Variants in HERC3 observed in about 807,000 individuals in gnomAD.
HERC3 encodes probable E3 ubiquitin-protein ligase HERC3.
In HERC3, 58 loss-of-function variants were observed where a neutral mutation model predicts 129.9. The ratio of observed to expected loss-of-function variants is 0.45; its 90% CI spans 0.36 to 0.56. HERC3 has a LOEUF of 0.56. Ranked by LOEUF, HERC3 falls within the 20% of genes least tolerant of loss-of-function variation. The pLI is 0.00. For synonymous variants in HERC3, 430 were observed against 451.0 expected (o/e 0.95, Z 0.59); for missense variants, 835 against 1,244.2 (o/e 0.67, Z 4.95).
chr4:88,548,824 C>A, the HERC3 span, among the ~76,000 whole-genome samples: 1 of 151,948 alleles, frequency 6.6e-6, no homozygotes, highest in Non-Finnish European at 1.5e-5. Context: ...CCACGCCTGG[C>A]TAATTTTTTG....
At chr4:88,554,345 CAAA>C in the HERC3 span, among the ~76,000 whole-genome samples, 5 of 59,806 alleles carry the variant, frequency 8.4e-5, no homozygotes, top group Non-Finnish European at 1.1e-4. Context: ...ACTCCATCTC[CAAA>C]AAAAAAAAAA....
At chr4:88,556,527 G>A in the HERC3 span, among the ~76,000 whole-genome samples, 19 of 152,140 alleles carry the variant, frequency 1.2e-4, no homozygotes, top group African/African-American at 4.6e-4. Context: ...TGTGGTAACA[G>A]CTACTTCCTT....
intron 25 of HERC3, among the ~76,000 whole-genome samples, chr4:88,705,827 TAAC>T (rs1735730269): frequency 6.6e-6 from 1 of 152,210 alleles, no homozygotes; most frequent in African/African-American, 2.4e-5. Context: ...ATGTAGGACT[TAAC>T]AGGTTCTGCT....
Position 88,697,109 on chromosome 4 carries a change from CA to C in HERC3, c.2658-6984del. On this transcript the variant is annotated intron_variant, in intron 23 of 25. Coordinates refer to ENST00000402738, the MANE Select transcript of HERC3 (RefSeq NM_014606.3). Reference sequence around the variant, plus strand: ...GAATAAATTCACATTGTATTTTGGTCAAAAACCTGAGCCTTTTTAAGTCCAT... The same window carrying C: ...GAATAAATTCACATTGTATTTTGGTCAAAACCTGAGCCTTTTTAAGTCCAT... The C allele has an allele frequency of 2.4e-6, 3 of 1,259,638 alleles. No individual in the cohort carries two copies. In the South Asian group the frequency reaches 5.6e-5, roughly 23 times the overall value. The allele number at this position is 1,259,638 out of a possible 1,614,324, so 78.0% of individuals were successfully genotyped here.
rs755858828 is a variant in HERC3 at position 88,658,401 on chromosome 4, T to A, written c.1070-14T>A. ...TTAATGAAAAATATGCTTTCGGAAT[T>A]TTTTTTTTGACAGATCGCTTTAAAT... On this transcript the variant is annotated splice_polypyrimidine_tract_variant and intron_variant, in intron 9 of 25. Coordinates refer to ENST00000402738, the MANE Select transcript of HERC3 (RefSeq NM_014606.3). The A allele has an allele frequency of 2.1e-4, 317 of 1,521,038 alleles. 1 individual carries two copies. Among genetic ancestry groups the A allele is most frequent in the Admixed American group, 1.1e-3 (59 of 52,474 alleles). The allele number at this position is 1,521,038 out of a possible 1,614,324, so 94.2% of individuals were successfully genotyped here. A position where few individuals can be genotyped will look rare whatever the true frequency, so the allele number is the denominator to read the frequency against.
chr4:88,570,802 T>A, the HERC3 span, among the ~76,000 whole-genome samples: 4 of 151,888 alleles, frequency 2.6e-5, no homozygotes, highest in African/African-American at 9.7e-5. Context: ...AGACTGAGTC[T>A]CACTCTGTCA....
chr4:88,613,693 C>T (rs1219687785), intron 3 of HERC3, among the ~76,000 whole-genome samples: 2 of 152,118 alleles, frequency 1.3e-5, no homozygotes, highest in Admixed American at 6.5e-5. Context: ...ATGGGCATAA[C>T]GCTGATATAA....
chr4:88,654,262 T>C (rs1389300274), intron 7 of HERC3, 129 bp downstream of exon 7: 7 of 519,988 alleles, frequency 1.3e-5, no homozygotes, highest in African/African-American at 9.7e-5. Flanking sequence ...CTCTCTTTTA[T>C]GTGGGTTTGT....
At chr4:88,587,171 C>T in the HERC3 span, among the ~76,000 whole-genome samples, 7,300 of 152,104 alleles carry the variant, frequency 0.048, 230 homozygotes, top group Middle Eastern at 0.13. Flanking sequence ...AAAAGGTGGC[C>T]GTAAAGTCTG....
At position 88,706,898 on chromosome 4, in the gene HERC3, G is replaced by A; in HGVS notation, c.3091G>A (p.Glu1031Lys). Residue 1031 changes from glutamate (E) to lysine (K), a missense_variant, in exon 26 of 26, where the codon GAG becomes AAG. Transcript: ENST00000402738. The stretch of plus-strand genomic sequence containing the variant: ...TGACCTCCCCAAGTACAGCAGCAAA[G>A]AGATTCTGAGTGCCCGGCTGACCCA... ...LLDLPKYSSK[E>K]ILSARLTQAL... 6.2e-7 allele frequency: 1 copy of A among 1,614,190 alleles called. No individual in the cohort carries two copies. The highest frequency in any genetic ancestry group is 1.6e-4 in the Middle Eastern group (1 of 6,062).
chr4:88,533,670 C>A, the HERC3 span, among the ~76,000 whole-genome samples: 108 of 152,280 alleles, frequency 7.1e-4, no homozygotes, highest in Non-Finnish European at 1.2e-3. Context: ...CAATTTGTTT[C>A]TTCATAAGTC....
At chr4:88,646,557 T>C (rs1056219491) in intron 3 of HERC3, among the ~76,000 whole-genome samples, 2 of 152,222 alleles carry the variant, frequency 1.3e-5, no homozygotes, top group Non-Finnish European at 2.9e-5. Flanking sequence ...GTTATTTTAA[T>C]GTGTGGGTTG....
intron 3 of HERC3, among the ~76,000 whole-genome samples, chr4:88,622,195 A>G (rs1299693871): frequency 1.3e-5 from 2 of 152,276 alleles, no homozygotes; most frequent in East Asian, 3.9e-4. Context: ...CTGTTTCTAT[A>G]GATTTGCTTA....
the HERC3 span, among the ~76,000 whole-genome samples, chr4:88,547,656 T>TTTTG: frequency 2.6e-5 from 4 of 152,144 alleles, no homozygotes; most frequent in East Asian, 1.9e-4. Flanking sequence ...GCATAAAGTT[T>TTTTG]TTTGTTTGTT....
the HERC3 span, among the ~76,000 whole-genome samples, chr4:88,540,523 C>G: frequency 2.2e-4 from 34 of 152,334 alleles, no homozygotes; most frequent in Admixed American, 5.9e-4. Flanking sequence ...AAACACTCTT[C>G]AGGATATTAT....
the HERC3 span, among the ~76,000 whole-genome samples, chr4:88,569,608 A>G: frequency 6.6e-6 from 1 of 152,092 alleles, no homozygotes; most frequent in Non-Finnish European, 1.5e-5. Flanking sequence ...CTCCTTAAGG[A>G]TACTCCTTTG....
At chr4:88,630,065 A>G in intron 3 of HERC3, among the ~76,000 whole-genome samples, 1 of 152,190 alleles carries the variant, frequency 6.6e-6, no homozygotes, top group East Asian at 1.9e-4. Flanking sequence ...TGTGGTGAAA[A>G]TTGGGAGGGG....
chr4:88,694,327 T>C (rs1458332342), intron 23 of HERC3, among the ~76,000 whole-genome samples: 3 of 152,242 alleles, frequency 2.0e-5, no homozygotes, highest in African/African-American at 7.2e-5. Context: ...AATTTTCATA[T>C]GATTCATAGG....
the HERC3 span, among the ~76,000 whole-genome samples, chr4:88,555,925 A>G: frequency 7.9e-5 from 12 of 152,174 alleles, no homozygotes; most frequent in Non-Finnish European, 1.3e-4. Flanking sequence ...GAGAGAATAG[A>G]CTGGATTGAC....
Sources: gnomAD v4.1 joint callset for allele counts (sites outside exome capture counted in the v4.1 genomes callset) on GRCh38, gnomAD v4.1.1 for gene constraint, MANE v1.5 for transcripts, NCBI Gene and HGNC (gene_info 2026-07-23, HGNC 2026-07-21) for gene names.